The following ADAMTS14 variants were observed in gnomAD, a reference collection of about 807,000 sequenced individuals.
The protein encoded by ADAMTS14 is ADAM metallopeptidase with thrombospondin type 1 motif 14.
In ADAMTS14, 100 loss-of-function variants were observed where a neutral mutation model predicts 128.6. The ratio of observed to expected loss-of-function variants is 0.78; its 90% CI spans 0.66 to 0.92. ADAMTS14 has a LOEUF of 0.92. Among genes scored for constraint, ADAMTS14 ranks in the 40% least tolerant of loss-of-function variants. The pLI is 0.00. For synonymous variants in ADAMTS14, 665 were observed against 653.8 expected, an observed-to-expected ratio of 1.02 and a Z score of -0.26; for missense variants, 1,562 against 1,658.6, an observed-to-expected ratio of 0.94 and a Z score of 1.01.
chr10:70,748,342 G>A (rs1842246438), intron 15 of ADAMTS14, among the ~76,000 whole-genome samples: 2 of 152,170 alleles, frequency 1.3e-5, no homozygotes, highest in African/African-American at 2.4e-5. Flanking sequence ...AAAGGCAATG[G>A]GAGAACTGGA....
chr10:70,691,500 A>AC (rs1299426781), intron 2 of ADAMTS14, among the ~76,000 whole-genome samples: 9 of 112,992 alleles, frequency 8.0e-5, no homozygotes, highest in East Asian at 6.2e-4. Flanking sequence ...AAAAAAAAAA[A>AC]AAAAAAAAAC....
At chr10:70,718,564 T>G (rs1186644423) in intron 4 of ADAMTS14, among the ~76,000 whole-genome samples, 3 of 151,920 alleles carry the variant, frequency 2.0e-5, no homozygotes, top group African/African-American at 4.8e-5. Context: ...TTTTGTATTT[T>G]TAGTAGTGAT....
At chr10:70,743,018 G>A (rs1842053379) in intron 12 of ADAMTS14, among the ~76,000 whole-genome samples, 2 of 152,128 alleles carry the variant, frequency 1.3e-5, no homozygotes, top group South Asian at 4.1e-4. Context: ...GCAGGACTCA[G>A]GCAAGACTGC....
rs750647007 is a variant in ADAMTS14, at chr10:70,708,644, G to T, written c.736G>T (p.Asp246Tyr). The T allele has an allele frequency of 2.5e-6, 4 of 1,612,874 alleles. No homozygotes were observed. Among genetic ancestry groups the T allele is most frequent in the Non-Finnish European group, 3.4e-6 (4 of 1,179,202 alleles). The change falls in exon 4 of 22, where the codon GAC (aspartate) becomes TAC (tyrosine). Residue 246 changes from aspartate (D) to tyrosine (Y), a missense_variant. Physicochemically the swap from Asp to Tyr is radical, Grantham distance 160 (BLOSUM62 -3). Coordinates refer to ENST00000373207, the MANE Select transcript of ADAMTS14 (RefSeq NM_080722.4). ...LLGLVGDQLG[D>Y]TERKRRHAKP... ...GGGCCTGGTGGGGGACCAGCTGGGC[G>T]ACACAGAGCGGAAGCGGCGGCATGC...
chr10:70,751,044 A>G (rs1472265899), intron 16 of ADAMTS14, among the ~76,000 whole-genome samples: 1 of 152,260 alleles, frequency 6.6e-6, no homozygotes, highest in Non-Finnish European at 1.5e-5. Flanking sequence ...TATCAAGGAA[A>G]GGAAAAGACC....
chr10:70,707,463 G>C (rs1840701579), intron 3 of ADAMTS14, among the ~76,000 whole-genome samples: 6 of 152,148 alleles, frequency 3.9e-5, no homozygotes, highest in African/African-American at 1.4e-4. Flanking sequence ...CTTCTTGACA[G>C]ACCCCAGCCT....
chr10:70,745,453 T>C (rs1399371710), intron 15 of ADAMTS14, 147 bp downstream of exon 15: 1 of 857,204 alleles, frequency 1.2e-6, no homozygotes, highest in Non-Finnish European at 1.9e-6. Context: ...TTTCATTTTA[T>C]TTTAAATTTA....
intron 5 of ADAMTS14, 22 bp downstream of exon 5, chr10:70,729,399 C>G: frequency 1.9e-6 from 3 of 1,605,388 alleles, no homozygotes; most frequent in Non-Finnish European, 2.6e-6. Context: ...TGTCAGCAGG[C>G]AGGGTTTGCG....
intron 2 of ADAMTS14, among the ~76,000 whole-genome samples, chr10:70,677,748 C>T (rs139414040): frequency 6.6e-6 from 1 of 152,294 alleles, no homozygotes; most frequent in Non-Finnish European, 1.5e-5. Flanking sequence ...GCCGCCGGCA[C>T]AGAGGTCACC....
intron 14 of ADAMTS14, among the ~76,000 whole-genome samples, chr10:70,744,392 C>A (rs1282976245): frequency 1.3e-5 from 2 of 152,196 alleles, no homozygotes; most frequent in Non-Finnish European, 2.9e-5. Context: ...CAAGCTCCTC[C>A]CTGAGTTTGG....
In ADAMTS14 at chr10:70,700,393, GA is replaced by G. The variant is rs142596392; in HGVS notation, c.523-1916del. ...CAATTTCTCCCTTCTGCCTGCTGTG[GA>G]AACCTGGGCTGACAGTCCCTGGGTG... On this transcript the variant is annotated intron_variant, in intron 2 of 21. Coordinates refer to ENST00000373207, the MANE Select transcript of ADAMTS14 (RefSeq NM_080722.4). 5.9e-4 allele frequency among the ~76,000 whole-genome samples: 90 copies of G among 152,286 alleles called. 1 individual carries two copies. The East Asian group carries it at 9.7e-3, about 16-fold the overall frequency.
chr10:70,751,805 G>A (rs938518124), intron 17 of ADAMTS14, among the ~76,000 whole-genome samples, 159 bp downstream of exon 17: 1 of 152,190 alleles, frequency 6.6e-6, no homozygotes, highest in Admixed American at 6.5e-5. Flanking sequence ...TTTTGGGCAG[G>A]GCCTTTGGGA....
At chr10:70,739,935 T>A (rs569141425) in intron 11 of ADAMTS14, among the ~76,000 whole-genome samples, 5 of 152,334 alleles carry the variant, frequency 3.3e-5, no homozygotes, top group African/African-American at 7.2e-5. Flanking sequence ...CTTGTAACTT[T>A]CATCTGTCGG....
intron 2 of ADAMTS14, among the ~76,000 whole-genome samples, chr10:70,693,754 C>T (rs1262549299): frequency 6.6e-6 from 1 of 152,180 alleles, no homozygotes; most frequent in Non-Finnish European, 1.5e-5. Flanking sequence ...AGCCTTTCAC[C>T]CAGCATCTTC....
intron 12 of ADAMTS14, among the ~76,000 whole-genome samples, chr10:70,741,500 T>C (rs920743346): frequency 2.6e-5 from 4 of 152,232 alleles, no homozygotes; most frequent in African/African-American, 9.6e-5. Flanking sequence ...TAGGGTTGCC[T>C]GCCTTTCGTC....
chr10:70,699,157 G>A (rs72814549), intron 2 of ADAMTS14, among the ~76,000 whole-genome samples: 25,033 of 152,138 alleles, frequency 0.16, 2,622 homozygotes, highest in Middle Eastern at 0.24. Context: ...GCAGAAGCAG[G>A]CCTGGGGGCT....
intron 2 of ADAMTS14, among the ~76,000 whole-genome samples, chr10:70,698,543 TTC>T (rs1468025355): frequency 6.6e-6 from 1 of 152,296 alleles, no homozygotes; most frequent in African/African-American, 2.4e-5. Flanking sequence ...CCTTCCTGTC[TTC>T]TCTGTCTAGG....
intron 4 of ADAMTS14, among the ~76,000 whole-genome samples, chr10:70,709,521 G>T (rs1247722199): frequency 6.5e-4 from 19 of 29,152 alleles, no homozygotes; most frequent in African/African-American, 2.6e-3. Context: ...TTTTTTTTGA[G>T]ACGGAGTCTG....
At chr10:70,754,731 A>G (rs902744683) in intron 19 of ADAMTS14, among the ~76,000 whole-genome samples, 2 of 152,148 alleles carry the variant, frequency 1.3e-5, no homozygotes, top group African/African-American at 4.8e-5. Context: ...AGCAATGGGA[A>G]ACCAGGGAAG....
Sources: allele counts gnomAD v4.1 joint callset (sites outside exome capture counted in the v4.1 genomes callset), GRCh38; gene constraint gnomAD v4.1.1; transcripts MANE v1.5; gene names NCBI Gene and HGNC (gene_info 2026-07-23, HGNC 2026-07-21).